The following PLEKHG1 variants were observed in gnomAD, a reference collection of about 807,000 sequenced individuals.
The protein encoded by PLEKHG1 is pleckstrin homology domain-containing family G member 1.
PLEKHG1 carries 44 observed loss-of-function variants against 100.8 expected under a neutral mutation model. The ratio of observed to expected loss-of-function variants is 0.44; its 90% CI spans 0.34 to 0.56. PLEKHG1 has a LOEUF of 0.56. Among genes scored for constraint, PLEKHG1 ranks in the 20% least tolerant of loss-of-function variants. The probability of loss-of-function intolerance (pLI) is 0.01; values close to 1 mark genes in which losing one functional copy is unlikely to be tolerated. For synonymous variants in PLEKHG1, 640 were observed against 662.5 expected, an observed-to-expected ratio of 0.97 and a Z score of 0.52; for missense variants, 1,545 against 1,720.9, an observed-to-expected ratio of 0.90 and a Z score of 1.81.
At chr6:150,833,069 G>T (rs1270449549) in intron 15 of PLEKHG1, among the ~76,000 whole-genome samples, 1 of 145,604 alleles carries the variant, frequency 6.9e-6, no homozygotes, top group Non-Finnish European at 1.5e-5. Context: ...TTGAGATAGG[G>T]TCTGGCTCTG....
chr6:150,839,351 A>G (rs925046915), intron 15 of PLEKHG1, among the ~76,000 whole-genome samples: 1 of 152,142 alleles, frequency 6.6e-6, no homozygotes, highest in Non-Finnish European at 1.5e-5. Flanking sequence ...CCTGACCTCA[A>G]GTGATCCACC....
At chr6:150,783,866 T>G (rs1414685902) in intron 3 of PLEKHG1, among the ~76,000 whole-genome samples, 1 of 152,214 alleles carries the variant, frequency 6.6e-6, no homozygotes, top group Non-Finnish European at 1.5e-5. Context: ...GAAAAATAAT[T>G]TTACTACTTT....
intron 3 of PLEKHG1, among the ~76,000 whole-genome samples, chr6:150,770,331 G>A (rs1784663067): frequency 6.6e-6 from 1 of 152,138 alleles, no homozygotes; most frequent in Admixed American, 6.5e-5. Context: ...CCTGACCTCT[G>A]GGAGAAATGT....
intron 2 of PLEKHG1, among the ~76,000 whole-genome samples, chr6:150,767,725 C>T (rs1298867224): frequency 6.6e-6 from 1 of 152,216 alleles, no homozygotes; most frequent in Non-Finnish European, 1.5e-5. Context: ...GTCTGCTTGG[C>T]TTTTCACAGG....
At chr6:150,621,499 C>T (rs1414572913) in intron 1 of PLEKHG1, among the ~76,000 whole-genome samples, 3 of 152,126 alleles carry the variant, frequency 2.0e-5, no homozygotes, top group African/African-American at 7.2e-5. Flanking sequence ...CTCAGCTTCC[C>T]GAGTAGCTGG....
chr6:150,704,034 T>G (rs1780905991), intron 3 of PLEKHG1, among the ~76,000 whole-genome samples: 1 of 151,854 alleles, frequency 6.6e-6, no homozygotes, highest in Admixed American at 6.5e-5. Flanking sequence ...AGATTCAAAG[T>G]GCAACAATTG....
chr6:150,676,146 G>T (rs1020469487), intron 3 of PLEKHG1, among the ~76,000 whole-genome samples: 1 of 152,178 alleles, frequency 6.6e-6, no homozygotes, highest in African/African-American at 2.4e-5. Context: ...TTGATATGAA[G>T]TTTAAAACCT....
At chr6:150,662,809 C>T (rs1185559987) in intron 3 of PLEKHG1, 1 of 152,130 alleles carries the variant, frequency 6.6e-6, no homozygotes, top group Non-Finnish European at 1.5e-5. Flanking sequence ...AAGCTTTTTC[C>T]TCTGAAACGC....
At chr6:150,633,217 T>C (rs1449282890) in intron 1 of PLEKHG1, 1 of 152,270 alleles carries the variant, frequency 6.6e-6, no homozygotes, top group Non-Finnish European at 1.5e-5. Flanking sequence ...GGCAACAGTG[T>C]CATCTGGAAG....
At chr6:150,803,229 A>G (rs1394414407) in intron 6 of PLEKHG1, among the ~76,000 whole-genome samples, 2 of 152,228 alleles carry the variant, frequency 1.3e-5, no homozygotes, top group Admixed American at 6.5e-5. Flanking sequence ...CTACAAAATA[A>G]TGGAACTAAT....
chr6:150,815,767 G>A (rs1787832260), intron 10 of PLEKHG1, among the ~76,000 whole-genome samples: 1 of 152,160 alleles, frequency 6.6e-6, no homozygotes, highest in African/African-American at 2.4e-5. Flanking sequence ...GCAAAATAGA[G>A]TAAAATTATT....
At position 150,655,468 on chromosome 6, in the gene PLEKHG1, G is replaced by A. The variant is rs962206476; in HGVS notation, c.-99+4682G>A. Among the ~76,000 whole-genome samples the A allele has an allele frequency of 3.3e-5, 5 of 152,094 alleles. No homozygotes were observed. The East Asian group carries it at 5.8e-4, about 18-fold the overall frequency. On this transcript the variant is annotated intron_variant, in intron 3 of 3. Coordinates refer to the PLEKHG1 transcript ENST00000367326. ...TCACGCCTGCAATCCCAGCACTTAG[G>A]GAGGCCGAGGCGGGTAGATCACAAG...
intron 3 of PLEKHG1, among the ~76,000 whole-genome samples, chr6:150,691,325 C>G (rs550587054): frequency 1.3e-5 from 2 of 152,204 alleles, no homozygotes; most frequent in African/African-American, 4.8e-5. Flanking sequence ...TATTTAAATA[C>G]AACTTAAGTG....
exon 16 of PLEKHG1, chr6:150,840,007 G>C (rs1368732639): frequency 6.2e-7 from 1 of 1,614,140 alleles, no homozygotes; most frequent in Non-Finnish European, 8.5e-7. Context: ...TCAACCTATA[G>C]TAATGGAGAG....
chr6:150,607,720 A>G (rs1776660193), intron 1 of PLEKHG1, among the ~76,000 whole-genome samples: 1 of 152,188 alleles, frequency 6.6e-6, no homozygotes, highest in African/African-American at 2.4e-5. Context: ...TCCTTACATT[A>G]TGCCTTTCCC....
At chr6:150,746,708 A>G (rs1783184046) in intron 2 of PLEKHG1, among the ~76,000 whole-genome samples, 1 of 152,266 alleles carries the variant, frequency 6.6e-6, no homozygotes, top group East Asian at 1.9e-4. Flanking sequence ...TTTGCTATGA[A>G]TGTGAAACTC....
rs1240601278 is a variant in PLEKHG1, at chr6:150,678,365, A to G, written c.-99+27579A>G. Reference sequence around the variant, plus strand: ...AACACCTAAATTTAAGCAGTGCCTGAATAGCTTTCACAACTCTACAAAGTG... The same window carrying G: ...AACACCTAAATTTAAGCAGTGCCTGGATAGCTTTCACAACTCTACAAAGTG... On this transcript the variant is annotated intron_variant, in intron 3 of 3. Transcript: ENST00000367326. Among the ~76,000 whole-genome samples the G allele has an allele frequency of 4.6e-5, 7 of 152,180 alleles. No individual in the cohort carries two copies. The East Asian group carries it at 1.4e-3, about 29-fold the overall frequency.
chr6:150,830,687 G>C (rs768963785), exon 15 of PLEKHG1: 5 of 1,614,060 alleles, frequency 3.1e-6, no homozygotes, highest in Non-Finnish European at 3.4e-6. Context: ...GCTTCGAGCG[G>C]GTGGAGCTCT....
chr6:150,763,321 G>A (rs998115856), intron 2 of PLEKHG1, among the ~76,000 whole-genome samples: 12 of 152,060 alleles, frequency 7.9e-5, no homozygotes, highest in African/African-American at 2.4e-4. Context: ...GTGAGCCACC[G>A]TGCCCGGGCC....
Sources: gnomAD v4.1 joint callset for allele counts (sites outside exome capture counted in the v4.1 genomes callset) on GRCh38, gnomAD v4.1.1 for gene constraint, MANE v1.5 for transcripts, NCBI Gene and HGNC (gene_info 2026-07-23, HGNC 2026-07-21) for gene names.